The following EFNA2 variants were observed in gnomAD, a reference collection of about 807,000 sequenced individuals.
EFNA2 encodes ephrin A2, also known as ephrin-A2.
Under a neutral mutation model 19.7 loss-of-function variants are expected in EFNA2, and 18 were observed. The observed-to-expected ratio is 0.91, with a 90% CI of 0.63 to 1.35. EFNA2 has a LOEUF of 1.35. Among genes scored for constraint, EFNA2 ranks in the 40% most tolerant of loss-of-function variants. EFNA2 has a pLI of 0.00. For missense variants in EFNA2, 303 were observed against 296.0 expected, an observed-to-expected ratio of 1.02 and a Z score of -0.17; for synonymous variants, 187 against 137.8, an observed-to-expected ratio of 1.36 and a Z score of -2.50.
chr19:1,289,525 G>A (rs981180728), intron 1 of EFNA2, among the ~76,000 whole-genome samples: 5 of 152,332 alleles, frequency 3.3e-5, no homozygotes, highest in Middle Eastern at 3.4e-3. Context: ...GTGTGCAGAC[G>A]GCCATCAAGC....
rs974949419 is a variant in EFNA2, at chr19:1,286,204, G to T, written c.36G>T (p.Leu12=). ...CGCAGCGCCCGCTGCTCCCGCTGCT[G>T]CTCCTGCTGTTACCGCTGCCGCCGC... The part of the protein sequence containing the change: ...APAQRPLLPL[L]LLLLPLPPPP... The change falls in exon 1 of 4, where the codon CTG becomes CTT. Residue 12 remains leucine, a synonymous_variant. Transcript: ENST00000215368. The surrounding 1 kb of genome is among the most constrained non-coding windows in gnomAD (Gnocchi z 5.6). 6 of 1,087,190 alleles carry T rather than the reference G, an allele frequency of 5.5e-6. No individual in the cohort carries two copies. Among genetic ancestry groups the T allele is most frequent in the Non-Finnish European group, 6.8e-6 (6 of 887,500 alleles). 67.3% of individuals were successfully genotyped at this position (1,087,190 alleles called of 1,614,324 possible). A position where few individuals can be genotyped will look rare whatever the true frequency, so the allele number is the denominator to read the frequency against.
At position 1,285,976 on chromosome 19, in the gene EFNA2, C is replaced by T. The variant is rs2081461635; in HGVS notation, c.-193C>T. Among the ~76,000 whole-genome samples, 1 of 145,582 alleles carries T rather than the reference C, an allele frequency of 6.9e-6. No homozygotes were observed. Among genetic ancestry groups the T allele is most frequent in the East Asian group, 2.0e-4 (1 of 4,984 alleles). On this transcript the variant is annotated 5_prime_UTR_variant, in exon 1 of 4. Transcript: ENST00000215368. The surrounding 1 kb of genome is among the most constrained non-coding windows in gnomAD (Gnocchi z 4.1). ...GGGGCGACCCCGGCGCCCCGCCCCGCCGCCGCCTGACTTCTCGGCGCCCGA... is the reference window on the plus strand; with the variant it reads ...GGGGCGACCCCGGCGCCCCGCCCCGTCGCCGCCTGACTTCTCGGCGCCCGA...
upstream of EFNA2, among the ~76,000 whole-genome samples, chr19:1,285,611 G>C (rs926870633): frequency 2.0e-5 from 3 of 152,164 alleles, no homozygotes; most frequent in East Asian, 5.8e-4. The surrounding 1 kb of genome is among the most constrained non-coding windows in gnomAD (Gnocchi z 4.1). Flanking sequence ...CCCAGGGCCG[G>C]GCCGGGTGGA....
At chr19:1,289,514 C>T (rs561000135) in intron 1 of EFNA2, among the ~76,000 whole-genome samples, 4 of 152,310 alleles carry the variant, frequency 2.6e-5, no homozygotes, top group Admixed American at 2.0e-4. Flanking sequence ...GACCAGGGCC[C>T]GTGTGCAGAC....
chr19:1,289,398 T>G lies in EFNA2; in HGVS notation c.140+3090T>G, dbSNP rs1049027350. Among the ~76,000 whole-genome samples the G allele has an allele frequency of 4.6e-5, 7 of 152,174 alleles. No homozygotes were observed. The South Asian group carries it at 1.0e-3, about 22-fold the overall frequency. On this transcript the variant is annotated intron_variant, in intron 1 of 3. Coordinates refer to ENST00000215368, the MANE Select transcript of EFNA2 (RefSeq NM_001405.4). The stretch of plus-strand genomic sequence containing the variant: ...TGTAAGTGTGTCTCCCTGGGGGCAG[T>G]GCTGGCTGGCTGAGGGCCTGCAATG...
At chr19:1,288,321 G>T (rs1437623298) in intron 1 of EFNA2, among the ~76,000 whole-genome samples, 2 of 152,230 alleles carry the variant, frequency 1.3e-5, no homozygotes, top group South Asian at 2.1e-4. Flanking sequence ...AGTGGCGGGG[G>T]TGTCAGGCAC....
At chr19:1,291,819 T>C (rs11879503) in intron 1 of EFNA2, among the ~76,000 whole-genome samples, 1,628 of 152,158 alleles carry the variant, frequency 0.011, 35 homozygotes, top group African/African-American at 0.037. Flanking sequence ...TGCTGGAAGC[T>C]GGTGACAGCC....
rs79563546 is a variant in EFNA2, at chr19:1,298,356, G to A, written c.455-195G>A. ...TCAGGATTGGACAGAAGGAGGAGCAGGGGGAATGTGCAGGAGACTGCTGGG... is the reference window on the plus strand; with the variant it reads ...TCAGGATTGGACAGAAGGAGGAGCAAGGGGAATGTGCAGGAGACTGCTGGG... On this transcript the variant is annotated intron_variant, in intron 2 of 3. Transcript: ENST00000215368. 7.2e-3 allele frequency among the ~76,000 whole-genome samples: 1,090 copies of A among 152,240 alleles called. 21 individuals are homozygous for A. Among genetic ancestry groups the A allele is most frequent in the African/African-American group, 0.025 (1,038 of 41,536 alleles).
In EFNA2 at chr19:1,295,923, A is replaced by G. The variant is rs2081512768; in HGVS notation, c.454+65A>G. On this transcript the variant is annotated intron_variant, in intron 2 of 3. Transcript: ENST00000215368. The surrounding 1 kb of genome is among the most constrained non-coding windows in gnomAD (Gnocchi z 5.8). ...GCGGGGACGCGGGGGCGGGGCCAGG[A>G]AGTGGGCGGGACCACTGGGGTGGGG... 2.3e-6 allele frequency: 3 copies of G among 1,293,812 alleles called. No individual in the cohort carries two copies. The highest frequency in any genetic ancestry group is 1.4e-5 in the South Asian group (1 of 71,904). 80.1% of individuals were successfully genotyped at this position (1,293,812 alleles called of 1,614,324 possible).
rs542687509 is a variant in EFNA2, at chr19:1,290,417, G to C, written c.140+4109G>C. On this transcript the variant is annotated intron_variant, in intron 1 of 3. Transcript: ENST00000215368. ...GAGAAGGGAACAGAGGTTCCGTGGC[G>C]GGGGGCCGTGAACGCAGTGGGATTT... Among the ~76,000 whole-genome samples, 10 of 152,310 alleles carry C rather than the reference G, an allele frequency of 6.6e-5. No individual in the cohort carries two copies. In the South Asian group the frequency reaches 1.9e-3, roughly 28 times the overall value.
upstream of EFNA2, among the ~76,000 whole-genome samples, chr19:1,285,739 G>A (rs1483613016): frequency 6.6e-6 from 1 of 150,626 alleles, no homozygotes; most frequent in African/African-American, 2.4e-5. The surrounding 1 kb of genome is among the most constrained non-coding windows in gnomAD (Gnocchi z 4.1). Flanking sequence ...GGCCCCGGGG[G>A]ACGAGCCTGA....
In EFNA2 at chr19:1,286,069, C is replaced by T. The variant is rs1483625119; in HGVS notation, c.-100C>T. 1 of 268,742 alleles carries T rather than the reference C, an allele frequency of 3.7e-6. No individual in the cohort carries two copies. The highest frequency in any genetic ancestry group is 2.3e-5 in the African/African-American group (1 of 42,618). 16.6% of individuals were successfully genotyped at this position (268,742 alleles called of 1,614,324 possible). On this transcript the variant is annotated 5_prime_UTR_variant, in exon 1 of 4. Coordinates refer to ENST00000215368, the MANE Select transcript of EFNA2 (RefSeq NM_001405.4). The surrounding 1 kb of genome is among the most constrained non-coding windows in gnomAD (Gnocchi z 5.6). ...GCCGCCGCGCCCTCCTCCCGCCCGCCCTCCGCCCGCCCGCTCGGCGGCGGC... is the reference window on the plus strand; with the variant it reads ...GCCGCCGCGCCCTCCTCCCGCCCGCTCTCCGCCCGCCCGCTCGGCGGCGGC...
rs1347496637 is a variant in EFNA2, at chr19:1,286,127, G to C, written c.-42G>C. On this transcript the variant is annotated 5_prime_UTR_variant, in exon 1 of 4. Transcript: ENST00000215368. The surrounding 1 kb of genome is among the most constrained non-coding windows in gnomAD (Gnocchi z 5.6). ...GCGGAGGAGGCGGAGAAGGCTGGCAGGCGGCGGCCGGGAGAGCGAGCGCGG... is the reference window on the plus strand; with the variant it reads ...GCGGAGGAGGCGGAGAAGGCTGGCACGCGGCGGCCGGGAGAGCGAGCGCGG... 6 of 765,070 alleles carry C rather than the reference G, an allele frequency of 7.8e-6. No individual in the cohort carries two copies. In the East Asian group the frequency reaches 6.5e-4, roughly 82 times the overall value. 47.4% of individuals were successfully genotyped at this position (765,070 alleles called of 1,614,324 possible).
Position 1,300,026 on chromosome 19 carries a change from G to C in EFNA2, c.*81G>C. ...CCTCGGCCCTCCGGACCCGGCTGCG[G>C]CCCCCGCCTCCGAGACCAAATAGAG... On this transcript the variant is annotated 3_prime_UTR_variant, in exon 4 of 4. Transcript: ENST00000215368. The C allele has an allele frequency of 6.8e-7, 1 of 1,472,384 alleles. No individual in the cohort carries two copies. The highest frequency in any genetic ancestry group is 9.0e-7 in the Non-Finnish European group (1 of 1,115,372). The allele number at this position is 1,472,384 out of a possible 1,614,324, so 91.2% of individuals were successfully genotyped here. A position where few individuals can be genotyped will look rare whatever the true frequency, so the allele number is the denominator to read the frequency against.
At position 1,295,378 on chromosome 19, in the gene EFNA2, C is replaced by A. The variant is rs533775563; in HGVS notation, c.141-167C>A. Among the ~76,000 whole-genome samples, 1 of 151,416 alleles carries A rather than the reference C, an allele frequency of 6.6e-6. No individual in the cohort carries two copies. On this transcript the variant is annotated intron_variant, in intron 1 of 3. Coordinates refer to ENST00000215368, the MANE Select transcript of EFNA2 (RefSeq NM_001405.4). This position sits in a 1 kb window ranked among gnomAD's most constrained non-coding sequence, Gnocchi z 5.8. ...GCACCTGTCCCCTGACCCTGTCCCC[C>A]CTGGCGCACCCTGACCCGTCCCCCG...
rs960866182 is a variant in EFNA2, at chr19:1,286,863, C to T, written c.140+555C>T. Reference sequence around the variant, plus strand: ...GCTTCACTCCAGGGGGCCAAGGGCCCAGCTTTGAAAGGAGACTGAGGGGCC... The same window carrying T: ...GCTTCACTCCAGGGGGCCAAGGGCCTAGCTTTGAAAGGAGACTGAGGGGCC... On this transcript the variant is annotated intron_variant, in intron 1 of 3. Transcript: ENST00000215368. The surrounding 1 kb of genome is among the most constrained non-coding windows in gnomAD (Gnocchi z 5.6). 6.6e-6 allele frequency among the ~76,000 whole-genome samples: 1 copy of T among 152,240 alleles called. No individual in the cohort carries two copies. The highest frequency in any genetic ancestry group is 1.5e-5 in the Non-Finnish European group (1 of 68,036).
chr19:1,291,551 G>T (rs1464270372), intron 1 of EFNA2, among the ~76,000 whole-genome samples: 1 of 152,124 alleles, frequency 6.6e-6, no homozygotes, highest in East Asian at 1.9e-4. Context: ...GACCCGGGCT[G>T]CCTGCTCATC....
intron 1 of EFNA2, among the ~76,000 whole-genome samples, chr19:1,288,158 G>A (rs943261245): frequency 6.6e-6 from 1 of 152,246 alleles, no homozygotes; most frequent in Non-Finnish European, 1.5e-5. Context: ...TGCTGGGGAC[G>A]GAGCCGACAC....
In EFNA2 at chr19:1,285,888, C is replaced by A. The variant is rs1162610505; in HGVS notation, c.-281C>A. 6.8e-6 allele frequency among the ~76,000 whole-genome samples: 1 copy of A among 146,254 alleles called. No homozygotes were observed. The highest frequency in any genetic ancestry group is 1.5e-5 in the Non-Finnish European group (1 of 65,804). Reference sequence around the variant, plus strand: ...GACAAAGGCCGGAGCCCGGGCCCCTCCCCGGCGGGTGCGGCGGCGGCGGCC... The same window carrying A: ...GACAAAGGCCGGAGCCCGGGCCCCTACCCGGCGGGTGCGGCGGCGGCGGCC... On this transcript the variant is annotated 5_prime_UTR_variant, in exon 1 of 4. Coordinates refer to ENST00000215368, the MANE Select transcript of EFNA2 (RefSeq NM_001405.4). The surrounding 1 kb of genome is among the most constrained non-coding windows in gnomAD (Gnocchi z 4.1).
Sources: allele counts gnomAD v4.1 joint callset (sites outside exome capture counted in the v4.1 genomes callset), GRCh38; gene constraint gnomAD v4.1.1; non-coding constraint Gnocchi (gnomAD v3.1); transcripts MANE v1.5; gene names NCBI Gene and HGNC (gene_info 2026-07-23, HGNC 2026-07-21).